ASB5: variants seen among roughly 807,000 people sequenced by gnomAD.
ASB5 encodes ankyrin repeat and SOCS box protein 5.
Under a neutral mutation model 42.1 loss-of-function variants are expected in ASB5, and 45 were observed. The ratio of observed to expected loss-of-function variants is 1.07; its 90% CI spans 0.84 to 1.37. The LOEUF is 1.37. Ranked by LOEUF, ASB5 falls within the 40% of genes most tolerant of loss-of-function variation. The pLI is 0.00. For missense variants in ASB5, 402 were observed against 399.8 expected (o/e 1.01, Z -0.05); for synonymous variants, 147 against 150.6 (o/e 0.98, Z 0.18).
At chr4:176,219,217 ATATATATATT>A (rs1419696358) in intron 5 of ASB5, among the ~76,000 whole-genome samples, 1 of 116,732 alleles carries the variant, frequency 8.6e-6, no homozygotes, top group Non-Finnish European at 1.6e-5. Flanking sequence ...TGACAGATAA[ATATATATATT>A]TGTATGATAT....
chr4:176,222,985 A>G (rs932563541), intron 2 of ASB5, among the ~76,000 whole-genome samples: 2 of 152,016 alleles, frequency 1.3e-5, no homozygotes, highest in Non-Finnish European at 2.9e-5. Flanking sequence ...GCACTGTGTT[A>G]GCCAGGATGG....
At chr4:176,218,251 AATATAT>A (rs781483417) in intron 5 of ASB5, among the ~76,000 whole-genome samples, 1 of 24,898 alleles carries the variant, frequency 4.0e-5, no homozygotes, top group East Asian at 1.0e-3. Flanking sequence ...ATGATATATA[AATATAT>A]ATATATTTGT....
At chr4:176,250,237 C>G (rs1298437796) in intron 1 of ASB5, among the ~76,000 whole-genome samples, 1 of 152,074 alleles carries the variant, frequency 6.6e-6, no homozygotes, top group Non-Finnish European at 1.5e-5. Context: ...TGGCTGAGGT[C>G]ACGGGCGTGA....
At chr4:176,252,932 T>C (rs938397137) in intron 1 of ASB5, among the ~76,000 whole-genome samples, 1 of 152,188 alleles carries the variant, frequency 6.6e-6, no homozygotes, top group Non-Finnish European at 1.5e-5. Context: ...TAGGGCACAG[T>C]TATGAGGATT....
At position 176,215,740 on chromosome 4, in the gene ASB5, A is replaced by G. The variant is rs780832033; in HGVS notation, c.863-13T>C. ...GAGCTTGGGGTAGCTACAAGAAGAC[A>G]TGAATCTATTTGTTAATTAAAATAG... is the stretch of plus-strand genomic sequence containing the variant. On this transcript the variant is annotated splice_polypyrimidine_tract_variant and intron_variant, in intron 6 of 6. Coordinates refer to ENST00000296525, the MANE Select transcript of ASB5 (RefSeq NM_080874.4). 9.4e-6 allele frequency: 15 copies of G among 1,601,112 alleles called. No individual in the cohort carries two copies. The highest frequency in any genetic ancestry group is 2.2e-5 in the East Asian group (1 of 44,720).
intron 2 of ASB5, among the ~76,000 whole-genome samples, chr4:176,275,242 A>G (rs1304984238): frequency 6.6e-6 from 1 of 152,038 alleles, no homozygotes; most frequent in Middle Eastern, 3.2e-3. Context: ...CAGCATTCTT[A>G]TACACGTGTA....
Position 176,236,653 on chromosome 4 carries a change from A to G in ASB5, c.197-11312T>C, listed in dbSNP as rs1042239939. On this transcript the variant is annotated intron_variant, in intron 1 of 6. Coordinates refer to ENST00000296525, the MANE Select transcript of ASB5 (RefSeq NM_080874.4). ...ACATTCTTCAAGCTCCAGCTATTAC[A>G]TAGTAAATATAACTCTTACAATCTT... Among the ~76,000 whole-genome samples, 2 of 152,192 alleles carry G rather than the reference A, an allele frequency of 1.3e-5. 1 individual carries two copies. Among genetic ancestry groups the G allele is most frequent in the South Asian group, 4.1e-4 (2 of 4,826 alleles).
chr4:176,245,151 A>T (rs1474636986), intron 1 of ASB5, among the ~76,000 whole-genome samples: 1 of 152,232 alleles, frequency 6.6e-6, no homozygotes, highest in Non-Finnish European at 1.5e-5. Context: ...CCCCATATTG[A>T]CAAAGGGCTA....
intron 1 of ASB5, among the ~76,000 whole-genome samples, chr4:176,247,998 T>C (rs1753945145): frequency 6.6e-6 from 1 of 152,206 alleles, no homozygotes; most frequent in African/African-American, 2.4e-5. Flanking sequence ...GGCAAAATAT[T>C]TGGCGAGCAC....
At chr4:176,244,893 T>G (rs1753879449) in intron 1 of ASB5, among the ~76,000 whole-genome samples, 1 of 150,460 alleles carries the variant, frequency 6.6e-6, no homozygotes. Context: ...AGCCCAGGAG[T>G]TCAAGGCTGC....
At chr4:176,262,908 AT>A (rs1754290127) in intron 1 of ASB5, among the ~76,000 whole-genome samples, 1 of 152,188 alleles carries the variant, frequency 6.6e-6, no homozygotes, top group South Asian at 2.1e-4. Context: ...AACTTAAAAT[AT>A]TTATGCATTT....
chr4:176,218,633 TATG>T (rs1753063076), intron 5 of ASB5, among the ~76,000 whole-genome samples: 1 of 103,658 alleles, frequency 9.6e-6, no homozygotes. Context: ...TATATATTTG[TATG>T]ATATATAAAT....
At chr4:176,273,072 C>T (rs900000579), upstream of ASB5, among the ~76,000 whole-genome samples, 5 of 151,724 alleles carry the variant, frequency 3.3e-5, no homozygotes, top group African/African-American at 1.2e-4. Flanking sequence ...ACCTCAGCCA[C>T]TGTAGTAGCT....
chr4:176,229,383 C>T (rs1258817856), intron 1 of ASB5, among the ~76,000 whole-genome samples: 3 of 152,088 alleles, frequency 2.0e-5, no homozygotes, highest in South Asian at 2.1e-4. Context: ...ATATTTGTAG[C>T]TGAAGGGTAC....
At chr4:176,229,103 A>G (rs145553801) in intron 1 of ASB5, among the ~76,000 whole-genome samples, 1 of 152,348 alleles carries the variant, frequency 6.6e-6, no homozygotes, top group Non-Finnish European at 1.5e-5. Context: ...TTAAATTTAA[A>G]TAACCACTTA....
Position 176,222,703 on chromosome 4 carries a change from AT to A in ASB5, c.277-284del, listed in dbSNP as rs1267517611. 4.6e-5 allele frequency among the ~76,000 whole-genome samples: 7 copies of A among 152,044 alleles called. No homozygotes were observed. The East Asian group carries it at 7.7e-4, about 17-fold the overall frequency. On this transcript the variant is annotated intron_variant, in intron 2 of 6. Transcript: ENST00000296525. ...TTTCTTTAAATGTTGCTTTCTTAAT[AT>A]TTTTTTATCCTTATTTTGTACTTTG... is the stretch of plus-strand genomic sequence containing the variant.
chr4:176,239,446 A>G (rs1753765640), intron 1 of ASB5, among the ~76,000 whole-genome samples: 2 of 152,190 alleles, frequency 1.3e-5, no homozygotes, highest in Admixed American at 6.6e-5. Context: ...TTTTATCATA[A>G]GTATTGTGAC....
At chr4:176,256,049 C>T (rs890868335) in intron 1 of ASB5, among the ~76,000 whole-genome samples, 3 of 152,128 alleles carry the variant, frequency 2.0e-5, no homozygotes, top group Non-Finnish European at 2.9e-5. Context: ...CTTTTAGGGG[C>T]TGTCATATAT....
At chr4:176,268,144 G>A (rs1276522347) in intron 1 of ASB5, among the ~76,000 whole-genome samples, 1 of 152,152 alleles carries the variant, frequency 6.6e-6, no homozygotes, top group Non-Finnish European at 1.5e-5. Flanking sequence ...CCTGCCATAT[G>A]AGTCATTTTT....
Sources: allele counts gnomAD v4.1 joint callset (sites outside exome capture counted in the v4.1 genomes callset), GRCh38; gene constraint gnomAD v4.1.1; transcripts MANE v1.5; gene names NCBI Gene and HGNC (gene_info 2026-07-23, HGNC 2026-07-21).